ICE2: variants seen among roughly 807,000 people sequenced by gnomAD.
ICE2 encodes the protein interactor of little elongation complex ELL subunit 2.
ICE2 carries 87 observed loss-of-function variants against 105.4 expected under a neutral mutation model. That is an observed-to-expected ratio of 0.83 (90% CI 0.69 to 0.99). The LOEUF (loss-of-function observed/expected upper bound fraction) is 0.99. Among genes scored for constraint, ICE2 ranks in the 50% least tolerant of loss-of-function variants. The pLI is 0.00. For synonymous variants in ICE2, 399 were observed against 392.0 expected (o/e 1.02, Z -0.21); for missense variants, 1,323 against 1,146.7 (o/e 1.15, Z -2.22).
intron 3 of ICE2, among the ~76,000 whole-genome samples, chr15:60,473,437 C>G (rs1314145513): frequency 6.6e-6 from 1 of 151,962 alleles, no homozygotes; most frequent in Non-Finnish European, 1.5e-5. Flanking sequence ...AGACTGCAGG[C>G]ACACAACCAC....
At chr15:60,478,396 T>C (rs1428714867) in intron 1 of ICE2, among the ~76,000 whole-genome samples, 1 of 152,220 alleles carries the variant, frequency 6.6e-6, no homozygotes, top group Non-Finnish European at 1.5e-5. Flanking sequence ...ATTCCCTTAC[T>C]GCCAAAATAA....
At position 60,448,029 on chromosome 15, in the gene ICE2, A is replaced by T; in HGVS notation, c.2236T>A (p.Cys746Ser). The T allele has an allele frequency of 6.2e-7, 1 of 1,614,010 alleles. No individual in the cohort carries two copies. The highest frequency in any genetic ancestry group is 8.5e-7 in the Non-Finnish European group (1 of 1,179,906). The stretch of plus-strand genomic sequence containing the variant: ...CTTGTCTCTATCCTCTGGACACTGC[A>T]GCGTACGAGTAACAACAGGTCTTGC... ...SLQDLLLLVR[C>S]SVQRIETRPR... The change falls in exon 11 of 16, where the codon TGC (cysteine) becomes AGC (serine). Residue 746 changes from cysteine to serine, a missense_variant. By Grantham distance (112) the Cys-to-Ser change is moderately radical. Coordinates refer to ENST00000261520, the MANE Select transcript of ICE2 (RefSeq NM_024611.6).
chr15:60,442,718 G>T (rs565047314), intron 11 of ICE2, 173 bp from the exon 12 acceptor site: 4 of 478,364 alleles, frequency 8.4e-6, no homozygotes, highest in Non-Finnish European at 1.1e-5. Flanking sequence ...CTGATGAATA[G>T]AAGAATGTTT....
At chr15:60,436,698 G>T (rs1468654597) in intron 12 of ICE2, among the ~76,000 whole-genome samples, 1 of 133,042 alleles carries the variant, frequency 7.5e-6, no homozygotes, top group African/African-American at 2.9e-5. Context: ...AGCCTGGGTG[G>T]TGACAGAGCC....
In ICE2 at chr15:60,448,122, A is replaced by G. The variant is rs2063866020; in HGVS notation, c.2143T>C (p.Tyr715His). The change falls in exon 11 of 16, where the codon TAT (tyrosine) becomes CAT (histidine). Residue 715 changes from tyrosine (Y) to histidine (H), a missense_variant. By Grantham distance (83) the Tyr-to-His change is moderately conservative (BLOSUM62 2). Transcript: ENST00000261520. ...AGGTATTCCGATGTATCTTCAACAT[A>G]GTCCTGAAGTTCATATGGCAATCCT... ...KGRLPYELQD[Y>H]VEDTSEYLAP... The G allele has an allele frequency of 1.9e-6, 3 of 1,610,180 alleles. No individual in the cohort carries two copies. The highest frequency in any genetic ancestry group is 2.2e-5 in the East Asian group (1 of 44,842).
intron 11 of ICE2, chr15:60,445,566 C>G (rs2063804944): frequency 1.7e-5 from 16 of 954,152 alleles, no homozygotes; most frequent in Non-Finnish European, 2.0e-5. Context: ...TATAAGCCTT[C>G]TATTTAGACA....
At chr15:60,461,971 C>T (rs1015942604) in intron 5 of ICE2, among the ~76,000 whole-genome samples, 20 of 151,888 alleles carry the variant, frequency 1.3e-4, no homozygotes, top group East Asian at 7.7e-4. Context: ...GGATAATAAT[C>T]GTAGTGGACA....
rs2063234648 is a variant in ICE2, at chr15:60,420,748, T to C, written c.*2886A>G. 1 of 152,198 alleles carries C rather than the reference T, an allele frequency of 6.6e-6. No individual in the cohort carries two copies. Among genetic ancestry groups the C allele is most frequent in the African/African-American group, 2.4e-5 (1 of 41,450 alleles). 9.4% of individuals were successfully genotyped at this position (152,198 alleles called of 1,614,324 possible). A position where few individuals can be genotyped will look rare whatever the true frequency, so the allele number is the denominator to read the frequency against. On this transcript the variant is annotated 3_prime_UTR_variant, in exon 16 of 16. Transcript: ENST00000261520. The stretch of plus-strand genomic sequence containing the variant: ...AAGTTCTATCTCAGAAAACCTTAAC[T>C]ACCAAGATCTGGTTAGATGACTTGC...
Position 60,435,352 on chromosome 15 carries a change from C to T in ICE2, c.2510+791G>A, listed in dbSNP as rs1391656897. 2.0e-5 allele frequency among the ~76,000 whole-genome samples: 3 copies of T among 151,276 alleles called. No individual in the cohort carries two copies. In the South Asian group the frequency reaches 6.3e-4, roughly 32 times the overall value. ...CAGTGGCTCACACCTGTAATCCCAG[C>T]ACTTTGGGAGGCCGAGGCAGGAGGA... On this transcript the variant is annotated intron_variant, in intron 13 of 15. Transcript: ENST00000261520.
At chr15:60,429,711 T>A (rs2063414206) in intron 14 of ICE2, among the ~76,000 whole-genome samples, 1 of 152,202 alleles carries the variant, frequency 6.6e-6, no homozygotes, top group South Asian at 2.1e-4. Flanking sequence ...ATTTTTAAAC[T>A]GAAAATAGGT....
chr15:60,453,751 G>T lies in ICE2; in HGVS notation c.977C>A (p.Ser326Ter), dbSNP rs770535319. ...SKPVKVIYIN[S>*]PLPQKKMTMR... ...AGTCATTTTCTTTTGGGGAAGTGGTGAATTAATATATATTACTTTAACTGG... is the reference window on the plus strand; with the variant it reads ...AGTCATTTTCTTTTGGGGAAGTGGTTAATTAATATATATTACTTTAACTGG... Residue 326 changes from serine to a stop codon, truncating the protein, a stop_gained, in exon 9 of 16, where the codon TCA becomes TAA. Coordinates refer to ENST00000261520, the MANE Select transcript of ICE2 (RefSeq NM_024611.6). LOFTEE classifies it high-confidence loss of function. The T allele has an allele frequency of 6.3e-7, 1 of 1,587,448 alleles. No individual in the cohort carries two copies. The highest frequency in any genetic ancestry group is 1.7e-5 in the Admixed American group (1 of 59,956).
chr15:60,474,044 A>G (rs779975180), intron 3 of ICE2, among the ~76,000 whole-genome samples: 1 of 152,116 alleles, frequency 6.6e-6, no homozygotes, highest in Non-Finnish European at 1.5e-5. Context: ...AAGTAAGACT[A>G]TAGGTATGTG....
intron 7 of ICE2, 58 bp downstream of exon 7, chr15:60,455,268 A>G (rs1440050345): frequency 1.3e-6 from 2 of 1,544,276 alleles, no homozygotes; most frequent in African/African-American, 1.4e-5. Context: ...CGGGTTAGAT[A>G]TATTTTGTGA....
chr15:60,430,133 T>A (rs1450778514), intron 14 of ICE2, among the ~76,000 whole-genome samples: 2 of 152,186 alleles, frequency 1.3e-5, no homozygotes, highest in Non-Finnish European at 2.9e-5. Flanking sequence ...GATTTTAAAA[T>A]GATCAAATTT....
chr15:60,457,415 T>C (rs1038417944), intron 5 of ICE2, among the ~76,000 whole-genome samples: 1 of 152,006 alleles, frequency 6.6e-6, no homozygotes. Context: ...CTGTTGGGGG[T>C]GGGGAAGAGT....
Position 60,428,607 on chromosome 15 carries a change from A to T in ICE2, c.2642T>A (p.Val881Asp), listed in dbSNP as rs148318569. 15 of 1,614,030 alleles carry T rather than the reference A, an allele frequency of 9.3e-6. No homozygotes were observed. In the African/African-American group the frequency reaches 2.0e-4, roughly 22 times the overall value. ...LLIYKASDGKVTRTAYNLYKT... is the reference protein window; with the variant it reads ...LLIYKASDGKDTRTAYNLYKT... ...ATACAAATTGTATGCTGTCCTAGTA[A>T]CTTTTCCATCAGAGGCCTTATAAAT... is the stretch of plus-strand genomic sequence containing the variant. Residue 881 changes from valine to aspartate, a missense_variant, in exon 15 of 16, where the codon GTT becomes GAT. Transcript: ENST00000261520.
chr15:60,453,961 G>C, intron 8 of ICE2, among the ~76,000 whole-genome samples, 177 bp from the exon 9 acceptor site: 1 of 152,210 alleles, frequency 6.6e-6, no homozygotes, highest in East Asian at 1.9e-4. Flanking sequence ...AGAAATCTAA[G>C]GGCAAGAAAA....
rs2063224802 is a variant in ICE2, at chr15:60,419,823, GAA to G, written c.*3809_*3810del. On this transcript the variant is annotated 3_prime_UTR_variant, in exon 16 of 16. Coordinates refer to ENST00000261520, the MANE Select transcript of ICE2 (RefSeq NM_024611.6). ...GGAACTACAGATGCAGTATGCTAAT[GAA>G]AAGTTAAAGTTTTCTTTCCTCTCCC... 6.6e-6 allele frequency: 1 copy of G among 152,178 alleles called. No individual in the cohort carries two copies. The highest frequency in any genetic ancestry group is 1.5e-5 in the Non-Finnish European group (1 of 68,032). 9.4% of individuals were successfully genotyped at this position (152,178 alleles called of 1,614,324 possible). A position where few individuals can be genotyped will look rare whatever the true frequency, so the allele number is the denominator to read the frequency against.
intron 1 of ICE2, among the ~76,000 whole-genome samples, chr15:60,478,306 AGCT>A (rs2064827123): frequency 2.0e-5 from 3 of 152,184 alleles, no homozygotes; most frequent in African/African-American, 7.2e-5. Flanking sequence ...TGGAAATAAG[AGCT>A]GAAACAGAAC....
Sources: allele counts gnomAD v4.1 joint callset (sites outside exome capture counted in the v4.1 genomes callset), GRCh38; gene constraint gnomAD v4.1.1; transcripts MANE v1.5; gene names NCBI Gene and HGNC (gene_info 2026-07-23, HGNC 2026-07-21).